Variants in FBRSL1 observed in about 807,000 individuals in gnomAD.
FBRSL1 encodes fibrosin-1-like protein.
FBRSL1 carries 51 observed loss-of-function variants against 89.6 expected under a neutral mutation model. The observed-to-expected ratio is 0.57, with a 90% confidence interval of 0.45 to 0.72. The LOEUF (loss-of-function observed/expected upper bound fraction) is 0.72. FBRSL1 is among the 30% of genes least tolerant of loss of function. The pLI, the probability that FBRSL1 is intolerant of heterozygous loss-of-function variation, is 0.00. For synonymous variants in FBRSL1, 779 were observed against 681.1 expected (o/e 1.14, Z -2.24); for missense variants, 1,618 against 1,451.8 (o/e 1.11, Z -1.86).
intron 4 of FBRSL1, among the ~76,000 whole-genome samples, chr12:132,535,821 T>C (rs1188731997): frequency 6.8e-6 from 1 of 147,248 alleles, no homozygotes; most frequent in East Asian, 2.1e-4. Flanking sequence ...GTGTCCATGA[T>C]GGTGTGAGTG....
intron 8 of FBRSL1, among the ~76,000 whole-genome samples, 158 bp from the exon 9 acceptor site, chr12:132,570,910 T>G (rs892962738): frequency 6.6e-6 from 1 of 152,124 alleles, no homozygotes; most frequent in Non-Finnish European, 1.5e-5. Flanking sequence ...CCGCGAAGGC[T>G]TCCTCCCTCG....
At chr12:132,557,248 C>T (rs1329273031) in intron 5 of FBRSL1, among the ~76,000 whole-genome samples, 4 of 152,214 alleles carry the variant, frequency 2.6e-5, no homozygotes, top group African/African-American at 4.8e-5. Context: ...TGAACACCAC[C>T]GTCAAGTCCC....
rs142568975 is a variant in FBRSL1, at chr12:132,576,080, A to G, written c.1702-719A>G. Among the ~76,000 whole-genome samples, 3 of 152,340 alleles carry G rather than the reference A, an allele frequency of 2.0e-5. No individual in the cohort carries two copies. The East Asian group carries it at 5.8e-4, about 29-fold the overall frequency. On this transcript the variant is annotated intron_variant, in intron 14 of 18. Coordinates refer to ENST00000680143, the MANE Select transcript of FBRSL1 (RefSeq NM_001367871.1). Reference sequence around the variant, plus strand: ...AGTGCAGGTGAGGGGCACATGTTGTAGTTTCATATAATTTTTAACACATTT... The same window carrying G: ...AGTGCAGGTGAGGGGCACATGTTGTGGTTTCATATAATTTTTAACACATTT...
chr12:132,580,862 C>T, intron 15 of FBRSL1: 1 of 985,444 alleles, frequency 1.0e-6, no homozygotes, highest in Non-Finnish European at 1.2e-6. Context: ...CCTGCAGCAG[C>T]CCCTCCCAGG....
chr12:132,545,624 G>A (rs146655270), intron 4 of FBRSL1, among the ~76,000 whole-genome samples: 1 of 152,354 alleles, frequency 6.6e-6, no homozygotes, highest in African/African-American at 2.4e-5. Context: ...TCCGTAACCA[G>A]GTCCGGGCTT....
rs560715267 is a variant in FBRSL1 at position 132,575,345 on chromosome 12, G to A, written c.1701+781G>A. On this transcript the variant is annotated intron_variant, in intron 14 of 18. Transcript: ENST00000680143. ...CGGGTTCACGCCATTCTCCTACCTC[G>A]GCCTCCCGAGTAGCTGGGACTACAG... Among the ~76,000 whole-genome samples, 8 of 152,184 alleles carry A rather than the reference G, an allele frequency of 5.3e-5. No individual in the cohort carries two copies. The East Asian group carries it at 9.7e-4, about 18-fold the overall frequency.
chr12:132,491,354 G>T (rs2030916797), intron 1 of FBRSL1, among the ~76,000 whole-genome samples: 1 of 152,354 alleles, frequency 6.6e-6, no homozygotes, highest in African/African-American at 2.4e-5. Context: ...GCTGCCTGCT[G>T]CATGGTTAAT....
chr12:132,518,270 C>T (rs2035025666), intron 2 of FBRSL1, among the ~76,000 whole-genome samples: 1 of 151,756 alleles, frequency 6.6e-6, no homozygotes, highest in South Asian at 2.1e-4. Context: ...ATCCATCCAC[C>T]CATGCATCTA....
intron 1 of FBRSL1, among the ~76,000 whole-genome samples, chr12:132,506,236 A>G (rs535618393): frequency 1.3e-3 from 201 of 152,168 alleles, no homozygotes; most frequent in African/African-American, 4.7e-3. Context: ...TGTGGATGGG[A>G]GGAGGGGCCG....
chr12:132,555,428 C>G (rs1205704186), intron 5 of FBRSL1, among the ~76,000 whole-genome samples: 10 of 138,500 alleles, frequency 7.2e-5, no homozygotes, highest in African/African-American at 2.8e-4. Context: ...TGAGCATGGC[C>G]TCCACGGTAG....
At chr12:132,535,835 G>A (rs1455181164) in intron 4 of FBRSL1, among the ~76,000 whole-genome samples, 5 of 150,558 alleles carry the variant, frequency 3.3e-5, no homozygotes, top group Non-Finnish European at 7.4e-5. Flanking sequence ...GTGAGTGCAC[G>A]TGTCCATGGT....
chr12:132,570,584 G>A, intron 8 of FBRSL1, 44 bp downstream of exon 8: 2 of 1,433,946 alleles, frequency 1.4e-6, no homozygotes, highest in South Asian at 1.4e-5. Flanking sequence ...GGGGTTGGGG[G>A]GTGCGGGGAC....
At chr12:132,519,216 G>A (rs2035131833) in intron 2 of FBRSL1, among the ~76,000 whole-genome samples, 1 of 152,254 alleles carries the variant, frequency 6.6e-6, no homozygotes, top group Admixed American at 6.5e-5. Flanking sequence ...ACAGTCTACT[G>A]AAGAGAGACA....
In FBRSL1 at chr12:132,527,174, T is replaced by G. The variant is rs558164938; in HGVS notation, c.580-779T>G. On this transcript the variant is annotated intron_variant, in intron 3 of 18. Transcript: ENST00000680143. ...ATCTGGTACCTCCTCCCGGAAGCCT[T>G]CCTTGTCTAGCCAGGGCACCCTCCC... Among the ~76,000 whole-genome samples the G allele has an allele frequency of 6.6e-5, 10 of 152,164 alleles. No homozygotes were observed. The South Asian group carries it at 2.1e-3, about 32-fold the overall frequency.
rs1167929148 is a variant in FBRSL1 at position 132,572,304 on chromosome 12, C to T, written c.1394C>T (p.Pro465Leu). 1 of 1,551,182 alleles carries T rather than the reference C, an allele frequency of 6.4e-7. No individual in the cohort carries two copies. The highest frequency in any genetic ancestry group is 2.0e-5 in the Admixed American group (1 of 50,986). Residue 465 changes from proline to leucine, a missense_variant, in exon 10 of 19, where the codon CCC becomes CTC. Physicochemically the swap from Pro to Leu is moderately conservative, Grantham distance 98. Coordinates refer to ENST00000680143, the MANE Select transcript of FBRSL1 (RefSeq NM_001367871.1). Reference protein sequence around the residue: ...PRECQFDKYAPKLDSPYFRHS... With the variant: ...PRECQFDKYALKLDSPYFRHS... ...CCCTTCCAGTTTGACAAGTATGCGC[C>T]CAAGCTGGACAGCCCCTACTTCCGA...
In FBRSL1 at chr12:132,581,882, G is replaced by T; in HGVS notation, c.1996+58G>T. The T allele has an allele frequency of 2.1e-6, 3 of 1,444,088 alleles. No homozygotes were observed. The Admixed American group carries it at 6.9e-5, about 33-fold the overall frequency. 89.5% of individuals were successfully genotyped at this position (1,444,088 alleles called of 1,614,324 possible). ...ATGCCCGCGCCCCTCCCCCATGCCT[G>T]TGTCCTCTGCAGGAACCCCGATGCC... On this transcript the variant is annotated intron_variant, in intron 17 of 18. Coordinates refer to ENST00000680143, the MANE Select transcript of FBRSL1 (RefSeq NM_001367871.1).
intron 1 of FBRSL1, among the ~76,000 whole-genome samples, chr12:132,491,195 G>C (rs2030867886): frequency 6.6e-6 from 1 of 152,226 alleles, no homozygotes; most frequent in Non-Finnish European, 1.5e-5. Flanking sequence ...CGCTCTGCCT[G>C]GTTCAGGACG....
Position 132,583,441 on chromosome 12 carries a change from A to T in FBRSL1, c.2672A>T (p.His891Leu). 1 of 1,064,618 alleles carries T rather than the reference A, an allele frequency of 9.4e-7. No homozygotes were observed. Among genetic ancestry groups the T allele is most frequent in the Non-Finnish European group, 1.1e-6 (1 of 881,358 alleles). 65.9% of individuals were successfully genotyped at this position (1,064,618 alleles called of 1,614,324 possible). The change falls in exon 19 of 19, where the codon CAC becomes CTC. Residue 891 changes from histidine (H) to leucine (L), a missense_variant. His to Leu is a moderately conservative substitution (Grantham distance 99). Coordinates refer to ENST00000680143, the MANE Select transcript of FBRSL1 (RefSeq NM_001367871.1). The part of the protein sequence containing the change: ...PERPYRDREP[H>L]GYSPERLRGE... ...CGCCCCTACCGCGACCGCGAGCCCC[A>T]CGGCTACAGCCCCGAGCGCCTGCGC...
At chr12:132,498,202 T>C (rs980921927) in intron 1 of FBRSL1, among the ~76,000 whole-genome samples, 2 of 152,046 alleles carry the variant, frequency 1.3e-5, no homozygotes, top group Admixed American at 1.3e-4. Flanking sequence ...CCTGTGTGGG[T>C]GTGGGTCTCT....
Sources: allele counts gnomAD v4.1 joint callset (sites outside exome capture counted in the v4.1 genomes callset), GRCh38; gene constraint gnomAD v4.1.1; transcripts MANE v1.5; gene names NCBI Gene and HGNC (gene_info 2026-07-23, HGNC 2026-07-21).